MECOM: variants seen among roughly 807,000 people sequenced by gnomAD.
The protein encoded by MECOM is MDS1 and EVI1 complex locus.
A neutral mutation model predicts 116.3 loss-of-function variants in MECOM; 13 were observed. That is an observed-to-expected ratio of 0.11 (90% CI 0.07 to 0.18). MECOM has a LOEUF of 0.18. Among genes scored for constraint, MECOM ranks in the 10% least tolerant of loss-of-function variants. MECOM has a pLI of 1.00. For synonymous variants in MECOM, 528 were observed against 535.2 expected (o/e 0.99, Z 0.19); for missense variants, 1,299 against 1,509.0 (o/e 0.86, Z 2.31).
At chr3:169,090,961 G>C (rs1009236651) in intron 14 of MECOM, among the ~76,000 whole-genome samples, 7 of 151,924 alleles carry the variant, frequency 4.6e-5, no homozygotes, top group African/African-American at 1.7e-4. Context: ...TTAATATTCA[G>C]ATTTCCCAGG....
chr3:169,210,567 G>A (rs1224302118), intron 2 of MECOM, among the ~76,000 whole-genome samples: 1 of 152,018 alleles, frequency 6.6e-6, no homozygotes, highest in South Asian at 2.1e-4. Context: ...AAATGATTTA[G>A]GGCAAAAGAA....
chr3:169,098,101 T>C (rs977736091), intron 12 of MECOM, among the ~76,000 whole-genome samples: 2 of 152,174 alleles, frequency 1.3e-5, no homozygotes, highest in Non-Finnish European at 2.9e-5. Flanking sequence ...AGGGTTCCCA[T>C]ATACCCTTCA....
At chr3:169,140,055 G>GA (rs10646514) in intron 3 of MECOM, among the ~76,000 whole-genome samples, 29,374 of 149,964 alleles carry the variant, frequency 0.2, 5,164 homozygotes, top group African/African-American at 0.47. Context: ...TCTGAATAAT[G>GA]AAAAAAAAAC....
chr3:169,137,373 G>C (rs755382166), intron 3 of MECOM, among the ~76,000 whole-genome samples: 2 of 152,068 alleles, frequency 1.3e-5, no homozygotes, highest in Admixed American at 1.3e-4. Context: ...ATTCAGGAAT[G>C]ATGTAAATTT....
chr3:169,360,326 A>AAT (rs1483553826), intron 2 of MECOM, among the ~76,000 whole-genome samples: 1 of 148,154 alleles, frequency 6.7e-6, no homozygotes, highest in South Asian at 2.1e-4. Context: ...CACCAAAAAA[A>AAT]AAAAAGAAAA....
At chr3:169,233,039 A>G (rs558128579) in intron 2 of MECOM, among the ~76,000 whole-genome samples, 1 of 152,154 alleles carries the variant, frequency 6.6e-6, no homozygotes, top group East Asian at 1.9e-4. Flanking sequence ...TATGCTCTAT[A>G]ATTGTGGAGT....
rs372676274 is a variant in MECOM, at chr3:169,460,905, T to C, written c.38-79381A>G. Among the ~76,000 whole-genome samples, 17 of 152,286 alleles carry C rather than the reference T, an allele frequency of 1.1e-4. No individual in the cohort carries two copies. The East Asian group carries it at 3.1e-3, about 28-fold the overall frequency. On this transcript the variant is annotated intron_variant, in intron 1 of 16. Transcript: ENST00000651503. ...TTAATTTACGGGAGAGTCCAAGATA[T>C]ATGGGAGATCATGTTCCAGATTCAG...
chr3:169,398,946 G>A (rs1280174678), intron 1 of MECOM, among the ~76,000 whole-genome samples: 1 of 152,154 alleles, frequency 6.6e-6, no homozygotes, highest in Non-Finnish European at 1.5e-5. Flanking sequence ...CCATTTAGGT[G>A]TCATCTCATC....
chr3:169,351,237 C>A (rs971875076), intron 2 of MECOM, among the ~76,000 whole-genome samples: 24 of 151,790 alleles, frequency 1.6e-4, no homozygotes, highest in African/African-American at 5.6e-4. Context: ...TTCTGAAGGA[C>A]TGTGGCTAAA....
At chr3:169,659,592 C>G (rs1306289184) in intron 1 of MECOM, among the ~76,000 whole-genome samples, 1 of 151,886 alleles carries the variant, frequency 6.6e-6, no homozygotes, top group Non-Finnish European at 1.5e-5. Context: ...TAGAAGGGGC[C>G]TCGGCCTCCG....
chr3:169,658,314 C>A (rs984056857), intron 1 of MECOM, among the ~76,000 whole-genome samples: 1 of 152,156 alleles, frequency 6.6e-6, no homozygotes, highest in African/African-American at 2.4e-5. Context: ...CCCTCCCACC[C>A]CATCTCTTCC....
At chr3:169,645,485 T>A (rs904449735) in intron 1 of MECOM, among the ~76,000 whole-genome samples, 1 of 152,210 alleles carries the variant, frequency 6.6e-6, no homozygotes, top group African/African-American at 2.4e-5. Context: ...ATTGTTTACC[T>A]TGTTGTTTAA....
chr3:169,604,205 T>C (rs73879089), intron 1 of MECOM, among the ~76,000 whole-genome samples: 1,773 of 152,152 alleles, frequency 0.012, 35 homozygotes, highest in African/African-American at 0.041. Context: ...GATTTAAATA[T>C]ACAAAAGAGA....
chr3:169,589,741 C>T (rs890585667), intron 1 of MECOM, among the ~76,000 whole-genome samples: 4 of 152,176 alleles, frequency 2.6e-5, no homozygotes, highest in African/African-American at 7.2e-5. Flanking sequence ...TATTTCTCAT[C>T]TTCATCGCCA....
intron 2 of MECOM, among the ~76,000 whole-genome samples, chr3:169,234,430 G>A (rs1753780324): frequency 6.6e-6 from 1 of 150,684 alleles, no homozygotes. Context: ...AGAGAAAGAA[G>A]ACTAGAGATA....
At chr3:169,504,123 T>C (rs948062413) in intron 1 of MECOM, among the ~76,000 whole-genome samples, 2 of 144,312 alleles carry the variant, frequency 1.4e-5, no homozygotes, top group Non-Finnish European at 3.0e-5. Flanking sequence ...AGGTGACTTC[T>C]GCTCTCAAAA....
intron 1 of MECOM, among the ~76,000 whole-genome samples, chr3:169,634,975 G>C (rs1313073504): frequency 1.3e-5 from 2 of 151,996 alleles, no homozygotes; most frequent in Non-Finnish European, 2.9e-5. Context: ...GAAGCGAGAA[G>C]TGAAATGCTA....
At chr3:169,555,628 C>T (rs926454571) in intron 1 of MECOM, among the ~76,000 whole-genome samples, 2 of 152,176 alleles carry the variant, frequency 1.3e-5, no homozygotes, top group African/African-American at 2.4e-5. Context: ...GAATGCCCAG[C>T]CTGACCTTGT....
intron 8 of MECOM, among the ~76,000 whole-genome samples, chr3:169,114,622 AT>A (rs1247543440): frequency 8.4e-4 from 128 of 152,334 alleles, no homozygotes; most frequent in African/African-American, 2.9e-3. Flanking sequence ...AAATGTGAAA[AT>A]GTTTGTAATA....
Sources: gnomAD v4.1 joint callset for allele counts (sites outside exome capture counted in the v4.1 genomes callset) on GRCh38, gnomAD v4.1.1 for gene constraint, MANE v1.5 for transcripts, NCBI Gene and HGNC (gene_info 2026-07-23, HGNC 2026-07-21) for gene names.